CATSPERE: variants seen among roughly 807,000 people sequenced by gnomAD.
CATSPERE encodes cation channel sperm-associated auxiliary subunit epsilon.
CATSPERE carries 93 observed loss-of-function variants against 114.1 expected under a neutral mutation model. The ratio of observed to expected loss-of-function variants is 0.81; its 90% CI spans 0.69 to 0.97. The LOEUF is 0.97. CATSPERE is among the 50% of genes least tolerant of loss of function. CATSPERE has a pLI of 0.00. For synonymous variants in CATSPERE, 341 were observed against 384.1 expected (o/e 0.89, Z 1.31); for missense variants, 1,058 against 1,131.6 (o/e 0.93, Z 0.93).
chr1:244,605,835 T>C (rs1264775934), intron 18 of CATSPERE, 41 bp downstream of exon 18: 41 of 1,309,418 alleles, frequency 3.1e-5, no homozygotes, highest in Non-Finnish European at 4.0e-5. Flanking sequence ...AGCATGCAAC[T>C]AGACAATGTC....
rs533993362 is a variant in CATSPERE at position 244,623,104 on chromosome 1, G to A, written c.2648+5418G>A. Among the ~76,000 whole-genome samples the A allele has an allele frequency of 1.8e-4, 19 of 104,696 alleles. No homozygotes were observed. In the South Asian group the frequency reaches 5.1e-3, roughly 28 times the overall value. 68.7% of individuals were successfully genotyped at this position (104,696 alleles called of 152,430 possible). ...TTTATTTATTTTGAGACTGAGTCTT[G>A]CTCTGTTGCCCGGACTGAAGTGCAG... is the stretch of plus-strand genomic sequence containing the variant. On this transcript the variant is annotated intron_variant, in intron 20 of 21. Coordinates refer to ENST00000366534, the MANE Select transcript of CATSPERE (RefSeq NM_001130957.2).
At chr1:244,619,172 A>G (rs1388791138) in intron 20 of CATSPERE, among the ~76,000 whole-genome samples, 1 of 152,186 alleles carries the variant, frequency 6.6e-6, no homozygotes, top group Non-Finnish European at 1.5e-5. Context: ...TGATGATAAA[A>G]AGTTAACAAT....
chr1:244,589,013 A>G (rs1667387297), intron 14 of CATSPERE, among the ~76,000 whole-genome samples: 1 of 152,196 alleles, frequency 6.6e-6, no homozygotes, highest in Admixed American at 6.5e-5. Flanking sequence ...GCAGAACCAC[A>G]GTGATTGCCC....
intron 6 of CATSPERE, 53 bp downstream of exon 6, chr1:244,490,524 T>G (rs1558357731): frequency 1.9e-6 from 2 of 1,065,332 alleles, no homozygotes; most frequent in Non-Finnish European, 2.8e-6. Flanking sequence ...AGTATATTGT[T>G]TCTCTCTTAT....
intron 7 of CATSPERE, among the ~76,000 whole-genome samples, chr1:244,517,046 A>G (rs1676753738): frequency 6.6e-6 from 1 of 152,096 alleles, no homozygotes; most frequent in Non-Finnish European, 1.5e-5. Flanking sequence ...GCAGACATTG[A>G]AAATGATGTT....
chr1:244,592,304 A>T lies in CATSPERE; in HGVS notation c.2189+573A>T, dbSNP rs1667833468. ...TGACATCAAATATTCTACTAACTGA[A>T]TTTTTTCTAGATTTTATATTTAATT... On this transcript the variant is annotated intron_variant, in intron 15 of 21. Coordinates refer to ENST00000366534, the MANE Select transcript of CATSPERE (RefSeq NM_001130957.2). Among the ~76,000 whole-genome samples the T allele has an allele frequency of 5.9e-5, 9 of 152,214 alleles. No homozygotes were observed. The South Asian group carries it at 1.9e-3, about 32-fold the overall frequency.
At chr1:244,536,159 C>G (rs1680356428) in intron 8 of CATSPERE, among the ~76,000 whole-genome samples, 1 of 151,532 alleles carries the variant, frequency 6.6e-6, no homozygotes, top group Non-Finnish European at 1.5e-5. Context: ...TGTATGCTTC[C>G]CTCTCCTCTC....
Position 244,552,515 on chromosome 1 carries a change from G to T in CATSPERE, c.730G>T (p.Asp244Tyr). 6.2e-7 allele frequency: 1 copy of T among 1,614,146 alleles called. No individual in the cohort carries two copies. Among genetic ancestry groups the T allele is most frequent in the Non-Finnish European group, 8.5e-7 (1 of 1,180,036 alleles). The part of the protein sequence containing the change: ...PRGSQLMASW[D>Y]ACVVASAVLV... ...TGGTAGTCAATTAATGGCTTCCTGG[G>T]ATGCTTGTGTAGTTGCATCTGCTGT... Residue 244 changes from aspartate (D) to tyrosine (Y), a missense_variant, in exon 9 of 22, where the codon GAT becomes TAT. This residue lies in a region of CATSPERE where 787 missense variants were observed against 905.6 expected (regional missense o/e 0.87). Coordinates refer to ENST00000366534, the MANE Select transcript of CATSPERE (RefSeq NM_001130957.2).
At chr1:244,635,577 G>T in intron 21 of CATSPERE, 35 bp downstream of exon 21, 1 of 1,519,006 alleles carries the variant, frequency 6.6e-7, no homozygotes, top group Non-Finnish European at 9.1e-7. Context: ...TTTAATTAGG[G>T]AATTTCTAAG....
At chr1:244,487,133 G>A (rs113605560) in intron 5 of CATSPERE, among the ~76,000 whole-genome samples, 6,645 of 105,402 alleles carry the variant, frequency 0.063, 182 homozygotes, top group Middle Eastern at 0.19. Context: ...GTGGTTCAGC[G>A]TGTGGAATAC....
upstream of CATSPERE, among the ~76,000 whole-genome samples, chr1:244,456,280 C>T (rs2148041798): frequency 6.6e-6 from 1 of 152,084 alleles, no homozygotes; most frequent in African/African-American, 2.4e-5. Context: ...TCCGTCTTTG[C>T]CTTCAGCTGC....
At chr1:244,523,834 AAG>A (rs1678037218) in intron 8 of CATSPERE, among the ~76,000 whole-genome samples, 1 of 148,692 alleles carries the variant, frequency 6.7e-6, no homozygotes, top group African/African-American at 2.6e-5. Flanking sequence ...AATGAAATAA[AAG>A]AGGATACAAA....
At chr1:244,557,079 ATG>A (rs1427195341) in intron 9 of CATSPERE, among the ~76,000 whole-genome samples, 2 of 152,182 alleles carry the variant, frequency 1.3e-5, no homozygotes, top group Admixed American at 1.3e-4. Flanking sequence ...CTGTTGGCCT[ATG>A]TGTCTATTTT....
intron 19 of CATSPERE, among the ~76,000 whole-genome samples, chr1:244,612,991 G>A (rs1039938837): frequency 2.0e-5 from 3 of 152,200 alleles, no homozygotes; most frequent in African/African-American, 7.2e-5. Context: ...AAAGGAGCAA[G>A]AGTCAGCAGG....
At chr1:244,453,111 A>T (rs1355027367), upstream of CATSPERE, among the ~76,000 whole-genome samples, 1 of 152,234 alleles carries the variant, frequency 6.6e-6, no homozygotes, top group East Asian at 1.9e-4. Flanking sequence ...AACATAGGAG[A>T]AATAAAGATA....
chr1:244,576,755 G>A (rs1324597399), intron 11 of CATSPERE, among the ~76,000 whole-genome samples: 1 of 151,914 alleles, frequency 6.6e-6, no homozygotes, highest in South Asian at 2.1e-4. Context: ...CCATTTCTAG[G>A]CTCAGCTTCC....
chr1:244,459,538 C>T (rs900304228), upstream of CATSPERE, among the ~76,000 whole-genome samples: 6 of 152,102 alleles, frequency 3.9e-5, no homozygotes, highest in Admixed American at 6.5e-5. Context: ...GTAAACAAAT[C>T]GGTTCTATCA....
chr1:244,520,626 A>T (rs1677379554), intron 8 of CATSPERE, among the ~76,000 whole-genome samples: 1 of 151,730 alleles, frequency 6.6e-6, no homozygotes, highest in South Asian at 2.1e-4. Context: ...GTCTCGGCAG[A>T]GCAGCCACTC....
At chr1:244,635,426 G>A in intron 20 of CATSPERE, 63 bp from the exon 21 acceptor site, 2 of 1,212,530 alleles carry the variant, frequency 1.6e-6, no homozygotes, top group East Asian at 2.3e-5. Context: ...ATAGGGACAT[G>A]GAGAGCGTTT....
Sources: allele counts gnomAD v4.1 joint callset (sites outside exome capture counted in the v4.1 genomes callset), GRCh38; gene constraint gnomAD v4.1.1; regional missense constraint gnomAD v4.1.1; transcripts MANE v1.5; gene names NCBI Gene and HGNC (gene_info 2026-07-23, HGNC 2026-07-21).